DLG2: variants seen among roughly 807,000 people sequenced by gnomAD.
DLG2 encodes the protein disks large homolog 2.
In DLG2, 45 loss-of-function variants were observed where a neutral mutation model predicts 132.5. The ratio of observed to expected loss-of-function variants is 0.34; its 90% CI spans 0.27 to 0.44. The LOEUF (loss-of-function observed/expected upper bound fraction) is 0.44. Among genes scored for constraint, DLG2 ranks in the 20% least tolerant of loss-of-function variants. The pLI is 1.00. For synonymous variants in DLG2, 424 were observed against 419.6 expected, an observed-to-expected ratio of 1.01 and a Z score of -0.13; for missense variants, 1,045 against 1,196.9, an observed-to-expected ratio of 0.87 and a Z score of 1.87.
intron 17 of DLG2, among the ~76,000 whole-genome samples, chr11:83,820,186 T>C (rs990534410): frequency 2.0e-4 from 31 of 152,116 alleles, no homozygotes; most frequent in African/African-American, 7.2e-4. Flanking sequence ...CACTACATAT[T>C]ATTTATTGTC....
chr11:85,147,457 C>T (rs1024545938), intron 5 of DLG2, among the ~76,000 whole-genome samples: 2 of 152,128 alleles, frequency 1.3e-5, no homozygotes, highest in Non-Finnish European at 2.9e-5. Flanking sequence ...AATATCCACC[C>T]AAGTCTTTTG....
chr11:83,480,371 C>A, intron 22 of DLG2: 1 of 1,535,032 alleles, frequency 6.5e-7, no homozygotes, highest in Non-Finnish European at 8.7e-7. Flanking sequence ...CAGTAACTTA[C>A]GGTAGCTACT....
At chr11:85,524,232 C>CTT (rs935503756) in intron 3 of DLG2, among the ~76,000 whole-genome samples, 1 of 151,868 alleles carries the variant, frequency 6.6e-6, no homozygotes, top group African/African-American at 2.4e-5. Context: ...TTAAAAATAA[C>CTT]TAAAAGAGTA....
intron 6 of DLG2, among the ~76,000 whole-genome samples, chr11:84,846,357 C>G (rs2081474710): frequency 6.6e-6 from 1 of 152,118 alleles, no homozygotes; most frequent in African/African-American, 2.4e-5. Context: ...AACCATCTTT[C>G]ATTCTGTTAC....
At chr11:85,078,942 C>T (rs78067277) in intron 6 of DLG2, among the ~76,000 whole-genome samples, 560 of 152,178 alleles carry the variant, frequency 3.7e-3, no homozygotes, top group Non-Finnish European at 5.5e-3. Context: ...AGGTTAAGGA[C>T]ATGCCTGTGA....
At chr11:84,287,981 G>A (rs1054486662) in intron 7 of DLG2, among the ~76,000 whole-genome samples, 1 of 16,048 alleles carries the variant, frequency 6.2e-5, no homozygotes, top group Non-Finnish European at 2.9e-4. Context: ...ATGGAAACGG[G>A]AGAGAGCAGT....
At chr11:84,674,594 C>T (rs946094515) in intron 6 of DLG2, among the ~76,000 whole-genome samples, 1 of 152,118 alleles carries the variant, frequency 6.6e-6, no homozygotes, top group Non-Finnish European at 1.5e-5. Flanking sequence ...CTTCAATCAT[C>T]ATGGCCTCTA....
rs115024370 is a variant in DLG2 at position 85,431,589 on chromosome 11, G to C, written c.41-146224C>G. On this transcript the variant is annotated intron_variant, in intron 3 of 27. Coordinates refer to ENST00000376104, the MANE Select transcript of DLG2 (RefSeq NM_001142699.3). ...CTGGCTAAGCCAGTTGAGCTCCTTG[G>C]GGGAGGGGTGGCAGCCAACACTGCA... is the stretch of plus-strand genomic sequence containing the variant. 9.1e-3 allele frequency among the ~76,000 whole-genome samples: 1,385 copies of C among 152,326 alleles called. 24 individuals carry two copies. The highest frequency in any genetic ancestry group is 0.031 in the African/African-American group (1,303 of 41,570).
At chr11:84,550,804 A>C (rs906933209) in intron 6 of DLG2, among the ~76,000 whole-genome samples, 15 of 152,202 alleles carry the variant, frequency 9.9e-5, no homozygotes, top group African/African-American at 3.6e-4. Context: ...CTAAATTTTA[A>C]GTGCTAGAAA....
rs535329370 is a variant in DLG2, at chr11:84,875,290, G to T, written c.357+236371C>A. Among the ~76,000 whole-genome samples, 4 of 152,234 alleles carry T rather than the reference G, an allele frequency of 2.6e-5. No homozygotes were observed. The East Asian group carries it at 7.7e-4, about 29-fold the overall frequency. On this transcript the variant is annotated intron_variant, in intron 6 of 27. Coordinates refer to ENST00000376104, the MANE Select transcript of DLG2 (RefSeq NM_001142699.3). ...ATATATAGGTTAAGAGTTCAGAATA[G>T]AAGTTTCAGTGGCAGATACAAATTT...
chr11:84,292,629 A>G (rs2098019478), intron 7 of DLG2, among the ~76,000 whole-genome samples: 2 of 152,228 alleles, frequency 1.3e-5, no homozygotes, highest in Admixed American at 6.5e-5. Flanking sequence ...TCTGGCACCT[A>G]TATCTTATCT....
At position 84,362,063 on chromosome 11, in the gene DLG2, T is replaced by C. The variant is rs528121251; in HGVS notation, c.520-110772A>G. Among the ~76,000 whole-genome samples, 198 of 152,028 alleles carry C rather than the reference T, an allele frequency of 1.3e-3. 1 individual carries two copies. Among genetic ancestry groups the C allele is most frequent in the African/African-American group, 4.6e-3 (189 of 41,508 alleles). ...TTAGCATATTAATAATTATATCAAATGTAAGTAGTCTAAACTCTTCAATTA... is the reference window on the plus strand; with the variant it reads ...TTAGCATATTAATAATTATATCAAACGTAAGTAGTCTAAACTCTTCAATTA... On this transcript the variant is annotated intron_variant, in intron 7 of 27. Coordinates refer to ENST00000376104, the MANE Select transcript of DLG2 (RefSeq NM_001142699.3).
chr11:85,512,348 T>C (rs2094091890), intron 3 of DLG2, among the ~76,000 whole-genome samples: 1 of 152,168 alleles, frequency 6.6e-6, no homozygotes, highest in African/African-American at 2.4e-5. Flanking sequence ...GTGACTATGC[T>C]GAAGTTAACT....
chr11:84,872,784 G>A (rs559844752), intron 6 of DLG2, among the ~76,000 whole-genome samples: 2 of 152,246 alleles, frequency 1.3e-5, no homozygotes, highest in African/African-American at 2.4e-5. Flanking sequence ...ATCAGAGATT[G>A]TAATTTAAGT....
At chr11:84,840,493 A>C (rs2080487419) in intron 6 of DLG2, among the ~76,000 whole-genome samples, 1 of 152,186 alleles carries the variant, frequency 6.6e-6, no homozygotes, top group South Asian at 2.1e-4. Context: ...ATTACTGGGT[A>C]TATACCCAAA....
chr11:83,956,840 A>T (rs992118268), intron 14 of DLG2, among the ~76,000 whole-genome samples: 1 of 152,204 alleles, frequency 6.6e-6, no homozygotes, highest in Non-Finnish European at 1.5e-5. Flanking sequence ...TTGAGCCATT[A>T]TTAAGGGACA....
At chr11:84,160,909 C>T (rs922622787) in intron 9 of DLG2, among the ~76,000 whole-genome samples, 4 of 152,108 alleles carry the variant, frequency 2.6e-5, no homozygotes, top group Admixed American at 1.3e-4. Context: ...AGGTCAACAG[C>T]TGAAAGAGAA....
rs371301095 is a variant in DLG2 at position 85,026,207 on chromosome 11, T to C, written c.357+85454A>G. On this transcript the variant is annotated intron_variant, in intron 6 of 27. Transcript: ENST00000376104. ...ACAATAAACTGGAAGAAAATATTTATCAAAGTTATAGTAGCCAAAAGGTTC... is the reference window on the plus strand; with the variant it reads ...ACAATAAACTGGAAGAAAATATTTACCAAAGTTATAGTAGCCAAAAGGTTC... Among the ~76,000 whole-genome samples the C allele has an allele frequency of 2.4e-3, 363 of 152,110 alleles. 1 individual carries two copies. The highest frequency in any genetic ancestry group is 4.4e-3 in the South Asian group (21 of 4,818).
intron 6 of DLG2, among the ~76,000 whole-genome samples, chr11:84,968,530 A>T (rs1266901468): frequency 6.6e-6 from 1 of 152,320 alleles, no homozygotes; most frequent in Non-Finnish European, 1.5e-5. Context: ...TTTTGAGGGT[A>T]ATGGTATTAT....
Sources: allele counts gnomAD v4.1 joint callset (sites outside exome capture counted in the v4.1 genomes callset), GRCh38; gene constraint gnomAD v4.1.1; transcripts MANE v1.5; gene names NCBI Gene and HGNC (gene_info 2026-07-23, HGNC 2026-07-21).